CBX5: variants seen among roughly 807,000 people sequenced by gnomAD.
The protein encoded by CBX5 is chromobox protein homolog 5.
In CBX5, 7 loss-of-function variants were observed where a neutral mutation model predicts 20.7. The ratio of observed to expected loss-of-function variants is 0.34; its 90% confidence interval spans 0.19 to 0.63. The LOEUF (loss-of-function observed/expected upper bound fraction) is 0.63, where lower values mean the gene tolerates loss of function less well. Ranked by LOEUF, CBX5 falls within the 30% of genes least tolerant of loss-of-function variation. The pLI is 0.75. For missense variants in CBX5, 110 were observed against 224.1 expected, an observed-to-expected ratio of 0.49 and a Z score of 3.25; for synonymous variants, 78 against 77.0, an observed-to-expected ratio of 1.01 and a Z score of -0.07.
rs144931641 is a variant in CBX5 at position 54,242,942 on chromosome 12, T to C, written c.426-1037A>G. ...GAGTTTGAGACCAGCCTGGGCAACATGGCAAAACCCATCTCTACAAAAAAT... is the reference window on the plus strand; with the variant it reads ...GAGTTTGAGACCAGCCTGGGCAACACGGCAAAACCCATCTCTACAAAAAAT... On this transcript the variant is annotated intron_variant, in intron 4 of 4. Coordinates refer to ENST00000209875, the MANE Select transcript of CBX5 (RefSeq NM_012117.3). 3.9e-3 allele frequency among the ~76,000 whole-genome samples: 584 copies of C among 151,592 alleles called. 2 individuals are homozygous for C. Among genetic ancestry groups the C allele is most frequent in the African/African-American group, 0.013 (553 of 41,320 alleles).
At chr12:54,250,576 C>G (rs1382430193) in intron 3 of CBX5, among the ~76,000 whole-genome samples, 1 of 138,622 alleles carries the variant, frequency 7.2e-6, no homozygotes, top group Non-Finnish European at 1.6e-5. Flanking sequence ...GAGGCCGAGG[C>G]GGGTGGATCA....
intron 3 of CBX5, among the ~76,000 whole-genome samples, chr12:54,247,297 C>T (rs376928942): frequency 2.6e-5 from 4 of 152,064 alleles, no homozygotes; most frequent in African/African-American, 9.7e-5. Context: ...TGCCTGTAAT[C>T]CCAGCACTTT....
intron 3 of CBX5, among the ~76,000 whole-genome samples, chr12:54,247,071 G>C (rs1167245753): frequency 6.6e-6 from 1 of 152,124 alleles, no homozygotes; most frequent in African/African-American, 2.4e-5. Flanking sequence ...ATAGAGGTAA[G>C]AATTATGTAA....
chr12:54,271,680 G>A (rs1391682776), intron 1 of CBX5, among the ~76,000 whole-genome samples: 1 of 152,078 alleles, frequency 6.6e-6, no homozygotes, highest in African/African-American at 2.4e-5. Flanking sequence ...TTAGCTTTTA[G>A]GACATTTAGG....
intron 1 of CBX5, among the ~76,000 whole-genome samples, chr12:54,262,208 G>A (rs904406358): frequency 6.6e-6 from 1 of 152,160 alleles, no homozygotes; most frequent in African/African-American, 2.4e-5. Flanking sequence ...GAAGGAATAA[G>A]GAACAGGAGA....
At chr12:54,253,137 C>G (rs6580979) in intron 2 of CBX5, among the ~76,000 whole-genome samples, 79,496 of 151,848 alleles carry the variant, frequency 0.52, 23,018 homozygotes, top group African/African-American at 0.77. Flanking sequence ...TAAATTTATT[C>G]CAAATCATTT....
chr12:54,267,856 A>G (rs1416257240), intron 1 of CBX5, among the ~76,000 whole-genome samples: 1 of 152,186 alleles, frequency 6.6e-6, no homozygotes, highest in Non-Finnish European at 1.5e-5. Flanking sequence ...TTTAAAGAAG[A>G]CATCTGGCTG....
intron 1 of CBX5, among the ~76,000 whole-genome samples, chr12:54,268,990 C>CGGT (rs1943982870): frequency 6.6e-6 from 1 of 152,188 alleles, no homozygotes; most frequent in Non-Finnish European, 1.5e-5. Flanking sequence ...GGGCCAGGCA[C>CGGT]GGTGGCTCAC....
At position 54,241,768 on chromosome 12, in the gene CBX5, G is replaced by A. The variant is rs753285316; in HGVS notation, c.563C>T (p.Thr188Ile). The change falls in exon 5 of 5, where the codon ACA becomes ATA. Residue 188 changes from threonine (T) to isoleucine (I), a missense_variant. Thr to Ile is a moderately conservative substitution (Grantham distance 89). Coordinates refer to ENST00000209875, the MANE Select transcript of CBX5 (RefSeq NM_012117.3). Reference protein sequence around the residue: ...PEDAENKEKETAKS With the variant: ...PEDAENKEKEIAKS The stretch of plus-strand genomic sequence containing the variant: ...CCATCCCCTCCTTTAGCTCTTTGCT[G>A]TTTCTTTCTCTTTGTTTTCCGCATC... The A allele has an allele frequency of 1.2e-6, 2 of 1,612,012 alleles. No individual in the cohort carries two copies. Among genetic ancestry groups the A allele is most frequent in the East Asian group, 2.2e-5 (1 of 44,842 alleles).
intron 1 of CBX5, among the ~76,000 whole-genome samples, chr12:54,271,542 T>C (rs1397852160): frequency 6.6e-6 from 1 of 152,252 alleles, no homozygotes. Context: ...CAGGCTGATC[T>C]GGAACTCCTG....
At chr12:54,257,486 C>T in intron 2 of CBX5, 28 bp downstream of exon 2, 6 of 1,613,526 alleles carry the variant, frequency 3.7e-6, no homozygotes, top group Non-Finnish European at 4.2e-6. Flanking sequence ...TACAGAGTCC[C>T]AACGCCTGGG....
chr12:54,261,582 A>G (rs1257767713), intron 1 of CBX5, among the ~76,000 whole-genome samples: 1 of 152,194 alleles, frequency 6.6e-6, no homozygotes, highest in Non-Finnish European at 1.5e-5. Context: ...GGCATGAGAC[A>G]CTGCACCCGG....
intron 1 of CBX5, 37 bp from the exon 2 acceptor site, chr12:54,257,729 T>A: frequency 6.5e-7 from 1 of 1,537,290 alleles, no homozygotes; most frequent in Non-Finnish European, 8.9e-7. Flanking sequence ...AGAATCCATG[T>A]GAGGAGTTAA....
At chr12:54,255,451 C>G (rs1382578122) in intron 2 of CBX5, among the ~76,000 whole-genome samples, 1 of 150,228 alleles carries the variant, frequency 6.7e-6, no homozygotes, top group African/African-American at 2.5e-5. Flanking sequence ...CCCAGCTACT[C>G]GGGAGGCTGA....
At chr12:54,253,684 C>T (rs1352234600) in intron 2 of CBX5, among the ~76,000 whole-genome samples, 1 of 141,524 alleles carries the variant, frequency 7.1e-6, no homozygotes, top group Non-Finnish European at 1.5e-5. Flanking sequence ...ACCGTGATTG[C>T]ACCACTGCAC....
chr12:54,250,167 G>A (rs965760462), intron 3 of CBX5, among the ~76,000 whole-genome samples: 1 of 152,020 alleles, frequency 6.6e-6, no homozygotes, highest in African/African-American at 2.4e-5. Context: ...AGGGTGCAGT[G>A]AGCCAAGATC....
chr12:54,242,093 T>C (rs1260597765), intron 4 of CBX5, among the ~76,000 whole-genome samples, 188 bp from the exon 5 acceptor site: 2 of 152,220 alleles, frequency 1.3e-5, no homozygotes, highest in Admixed American at 6.5e-5. Context: ...TAATATATTA[T>C]ACAGAAACAG....
At position 54,230,956 on chromosome 12, in the gene CBX5, A is replaced by G. The variant is rs925359099; in HGVS notation, c.*10799T>C. 1 of 152,250 alleles carries G rather than the reference A, an allele frequency of 6.6e-6. No individual in the cohort carries two copies. The allele number at this position is 152,250 out of a possible 1,614,324, so 9.4% of individuals were successfully genotyped here. A position where few individuals can be genotyped will look rare whatever the true frequency, so the allele number is the denominator to read the frequency against. On this transcript the variant is annotated 3_prime_UTR_variant, in exon 5 of 5. Coordinates refer to ENST00000209875, the MANE Select transcript of CBX5 (RefSeq NM_012117.3). Reference sequence around the variant, plus strand: ...CACTCAGAATCCATATTTGAAAAGCAACCATTTATTAGAACCAATACAAGA... The same window carrying G: ...CACTCAGAATCCATATTTGAAAAGCGACCATTTATTAGAACCAATACAAGA...
chr12:54,275,777 A>C (rs7953447), intron 1 of CBX5, among the ~76,000 whole-genome samples: 3 of 151,846 alleles, frequency 2.0e-5, no homozygotes, highest in Non-Finnish European at 4.4e-5. Flanking sequence ...AGGCCAAGGC[A>C]GGCAGATCAC....
Sources: allele counts gnomAD v4.1 joint callset (sites outside exome capture counted in the v4.1 genomes callset), GRCh38; gene constraint gnomAD v4.1.1; transcripts MANE v1.5; gene names NCBI Gene and HGNC (gene_info 2026-07-23, HGNC 2026-07-21).